The following RPL14 variants were observed in gnomAD, a reference collection of about 807,000 sequenced individuals.
RPL14 encodes the protein large ribosomal subunit protein eL14.
A neutral mutation model predicts 25.3 loss-of-function variants in RPL14; 4 were observed. The observed-to-expected ratio is 0.16, with a 90% CI of 0.08 to 0.36. The LOEUF is 0.36. Among genes scored for constraint, RPL14 ranks in the 10% least tolerant of loss-of-function variants. The pLI, the probability that RPL14 is intolerant of heterozygous loss-of-function variation, is 1.00. For missense variants in RPL14, 212 were observed against 261.9 expected, an observed-to-expected ratio of 0.81 and a Z score of 1.31; for synonymous variants, 75 against 89.8, an observed-to-expected ratio of 0.84 and a Z score of 0.93.
chr3:40,457,865 A>C (rs1305160770), intron 1 of RPL14, 25 bp from the exon 2 acceptor site: 4 of 1,599,140 alleles, frequency 2.5e-6, no homozygotes, highest in Non-Finnish European at 3.4e-6. Context: ...AGTAAGTTTC[A>C]CTGTCCTTTC....
In RPL14 at chr3:40,464,187, T is replaced by C. The variant is rs1429178190; in HGVS notation, c.*1955T>C. The C allele has an allele frequency of 9.4e-6, 3 of 318,772 alleles. No homozygotes were observed. Among genetic ancestry groups the C allele is most frequent in the Non-Finnish European group, 1.9e-5 (3 of 160,248 alleles). The allele number at this position is 318,772 out of a possible 1,614,324, so 19.7% of individuals were successfully genotyped here. A position where few individuals can be genotyped will look rare whatever the true frequency, so the allele number is the denominator to read the frequency against. ...GTCAGCCAGACTGGTCTTGAACTCC[T>C]GACCTCAGGTGATCTGTCCGCCTTG... is the stretch of plus-strand genomic sequence containing the variant. On this transcript the variant is annotated 3_prime_UTR_variant, in exon 6 of 6. Transcript: ENST00000396203.
chr3:40,458,332 G>T, intron 2 of RPL14: 1 of 513,050 alleles, frequency 1.9e-6, no homozygotes, highest in South Asian at 2.5e-5. Flanking sequence ...AAACTAAGGA[G>T]TTGACCACTG....
At chr3:40,461,574 G>A (rs1696937626) in intron 4 of RPL14, 34 bp from the exon 5 acceptor site, 23 of 1,599,938 alleles carry the variant, frequency 1.4e-5, no homozygotes, top group Middle Eastern at 1.7e-4. Flanking sequence ...AGTGTGAGAG[G>A]GATAATTTTT....
chr3:40,457,568 C>G (rs1169407083), intron 1 of RPL14, 94 bp downstream of exon 1: 5 of 1,109,668 alleles, frequency 4.5e-6, no homozygotes, highest in Admixed American at 2.1e-5. Context: ...GTGGAGGGCC[C>G]GGCAGGCCTG....
intron 3 of RPL14, 31 bp downstream of exon 3, chr3:40,458,767 A>G (rs774187175): frequency 7.7e-6 from 12 of 1,565,240 alleles, no homozygotes; most frequent in African/African-American, 1.4e-5. Context: ...CCTCCCTCCC[A>G]TCCCCAGATT....
At chr3:40,461,302 G>T (rs1307699778) in intron 3 of RPL14, 105 bp from the exon 4 acceptor site, 2 of 837,950 alleles carry the variant, frequency 2.4e-6, no homozygotes, top group African/African-American at 3.4e-5. Context: ...AGTGTACCAG[G>T]TGTTGTGTAA....
intron 3 of RPL14, chr3:40,459,020 T>TAA: frequency 3.2e-6 from 1 of 309,738 alleles, no homozygotes; most frequent in African/African-American, 2.2e-5. Context: ...CTACAAAAAA[T>TAA]AAAAAAAAAA....
chr3:40,464,526 G>C lies in RPL14; in HGVS notation c.*2294G>C, dbSNP rs1425059123. On this transcript the variant is annotated 3_prime_UTR_variant, in exon 6 of 6. Coordinates refer to ENST00000396203, the MANE Select transcript of RPL14 (RefSeq NM_001034996.3). Reference sequence around the variant, plus strand: ...GAAATAAACGAACTGATAGTGTAGAGGACTGGCTCGGGACCACATCAAGGA... The same window carrying C: ...GAAATAAACGAACTGATAGTGTAGACGACTGGCTCGGGACCACATCAAGGA... The C allele has an allele frequency of 2.2e-6, 1 of 456,044 alleles. No individual in the cohort carries two copies. The highest frequency in any genetic ancestry group is 4.4e-6 in the Non-Finnish European group (1 of 226,786). 28.2% of individuals were successfully genotyped at this position (456,044 alleles called of 1,614,324 possible).
chr3:40,457,537 G>A, intron 1 of RPL14, 63 bp downstream of exon 1: 1 of 1,368,732 alleles, frequency 7.3e-7, no homozygotes, highest in Non-Finnish European at 1.0e-6. Flanking sequence ...CGCCCTTCCC[G>A]GACTCGCCGC....
rs1018978736 is a variant in RPL14, at chr3:40,466,874, T to C, written c.*4642T>C. 2 of 152,142 alleles carry C rather than the reference T, an allele frequency of 1.3e-5. No individual in the cohort carries two copies. The highest frequency in any genetic ancestry group is 2.9e-5 in the Non-Finnish European group (2 of 68,038). 9.4% of individuals were successfully genotyped at this position (152,142 alleles called of 1,614,324 possible). A position where few individuals can be genotyped will look rare whatever the true frequency, so the allele number is the denominator to read the frequency against. On this transcript the variant is annotated 3_prime_UTR_variant, in exon 6 of 6. Coordinates refer to ENST00000396203, the MANE Select transcript of RPL14 (RefSeq NM_001034996.3). ...TAATTGGCATGTCCTCTAATTCATA[T>C]TTTCCCCCCTCATCTGTTGGGTGAA...
chr3:40,462,268 A>G lies in RPL14; in HGVS notation c.*36A>G, dbSNP rs772432376. ...TAAAAAGTAATAAAGGTTCTTTTTG[A>G]CCTGTTGACAAATGTATTTAAGCCT... On this transcript the variant is annotated 3_prime_UTR_variant, in exon 6 of 6. Transcript: ENST00000396203. 2.6e-6 allele frequency: 4 copies of G among 1,546,452 alleles called. No homozygotes were observed. The highest frequency in any genetic ancestry group is 3.5e-6 in the Non-Finnish European group (4 of 1,150,752).
At chr3:40,460,603 GT>G (rs998815132) in intron 3 of RPL14, among the ~76,000 whole-genome samples, 1 of 118,844 alleles carries the variant, frequency 8.4e-6, no homozygotes, top group African/African-American at 3.3e-5. Flanking sequence ...GGTTTTTTGT[GT>G]TTTTTTTGAG....
At position 40,457,632 on chromosome 3, in the gene RPL14, G is replaced by T. The variant is rs947260928; in HGVS notation, c.3+158G>T. 2.6e-5 allele frequency: 18 copies of T among 687,440 alleles called. No homozygotes were observed. In the Admixed American group the frequency reaches 3.4e-4, roughly 13 times the overall value. 42.6% of individuals were successfully genotyped at this position (687,440 alleles called of 1,614,324 possible). ...CCGCCGCTGGAGCTGGATGGCTGAT[G>T]CGGCTCGTGGTCCGAGAGCCTTGTC... On this transcript the variant is annotated intron_variant, in intron 1 of 5. Transcript: ENST00000396203.
intron 3 of RPL14, among the ~76,000 whole-genome samples, chr3:40,459,813 C>A (rs1003459835): frequency 7.6e-6 from 1 of 131,474 alleles, no homozygotes; most frequent in Non-Finnish European, 1.5e-5. Context: ...GAGCCGAGAT[C>A]GCAACACTGC....
At chr3:40,461,542 C>G (rs1559528963) in intron 4 of RPL14, 36 bp downstream of exon 4, 1 of 1,609,822 alleles carries the variant, frequency 6.2e-7, no homozygotes, top group Admixed American at 1.7e-5. Flanking sequence ...CTGGTCCTTT[C>G]TTTTTTTGGA....
chr3:40,457,974 G>A lies in RPL14; in HGVS notation c.88G>A (p.Val30Ile). 6.2e-7 allele frequency: 1 copy of A among 1,614,154 alleles called. No homozygotes were observed. The highest frequency in any genetic ancestry group is 1.1e-5 in the South Asian group (1 of 91,088). ...CGGAAAATTGGTCGCGATTGTAGAT[G>A]TTATTGATCAGAACAGGGTAAGTGT... is the stretch of plus-strand genomic sequence containing the variant. ...HAGKLVAIVD[V>I]IDQNRALVDG... Residue 30 changes from valine to isoleucine, a missense_variant, in exon 2 of 6, where the codon GTT (valine) becomes ATT (isoleucine). This residue lies in a region of RPL14 where 143 missense variants were observed against 180.3 expected (regional missense o/e 0.79). Transcript: ENST00000396203.
intron 3 of RPL14, chr3:40,458,977 C>T (rs1277522257): frequency 4.6e-6 from 2 of 438,002 alleles, no homozygotes; most frequent in Non-Finnish European, 8.4e-6. Context: ...AGTTTCAAGA[C>T]CAGCATGGGC....
intron 3 of RPL14, among the ~76,000 whole-genome samples, chr3:40,459,484 C>A (rs1213289554): frequency 6.6e-6 from 1 of 152,172 alleles, no homozygotes; most frequent in Non-Finnish European, 1.5e-5. Context: ...TAGTGTGTTG[C>A]TATACAGTTA....
rs1696966787 is a variant in RPL14, at chr3:40,462,790, T to C, written c.*558T>C. 1 of 152,292 alleles carries C rather than the reference T, an allele frequency of 6.6e-6. No homozygotes were observed. 9.4% of individuals were successfully genotyped at this position (152,292 alleles called of 1,614,324 possible). On this transcript the variant is annotated 3_prime_UTR_variant, in exon 6 of 6. Transcript: ENST00000396203. ...AATCATGATAACTTAGAACACCAAG[T>C]GACACAAGTGACATTTTTTTCTTAT... is the stretch of plus-strand genomic sequence containing the variant.
Sources: allele counts gnomAD v4.1 joint callset (sites outside exome capture counted in the v4.1 genomes callset), GRCh38; gene constraint gnomAD v4.1.1; regional missense constraint gnomAD v4.1.1; transcripts MANE v1.5; gene names NCBI Gene and HGNC (gene_info 2026-07-23, HGNC 2026-07-21).